The following PDGFC variants were observed in gnomAD, a reference collection of about 807,000 sequenced individuals.
PDGFC encodes the protein platelet-derived growth factor C.
Under a neutral mutation model 35.5 loss-of-function variants are expected in PDGFC, and 12 were observed. That is an observed-to-expected ratio of 0.34 (90% CI 0.22 to 0.55). The LOEUF is 0.55. Among genes scored for constraint, PDGFC ranks in the 20% least tolerant of loss-of-function variants. PDGFC has a pLI of 0.91. For missense variants in PDGFC, 322 were observed against 412.4 expected, an observed-to-expected ratio of 0.78 and a Z score of 1.90; for synonymous variants, 159 against 148.8, an observed-to-expected ratio of 1.07 and a Z score of -0.50.
At position 156,824,327 on chromosome 4, in the gene PDGFC, T is replaced by TACACATACAC. The variant is rs1553967645; in HGVS notation, c.315-13311_315-13310insGTGTATGTGT. ...ATATATATATATATATATATATATA[T>TACACATACAC]ACACACACACACACACACACACATA... On this transcript the variant is annotated intron_variant, in intron 2 of 5. Transcript: ENST00000502773. Among the ~76,000 whole-genome samples, 33 of 102,838 alleles carry TACACATACAC rather than the reference T, an allele frequency of 3.2e-4. 1 individual carries two copies. The highest frequency in any genetic ancestry group is 5.1e-3 in the Middle Eastern group (1 of 198). 67.5% of individuals were successfully genotyped at this position (102,838 alleles called of 152,430 possible).
At chr4:156,850,505 C>A in intron 1 of PDGFC, 89 bp from the exon 2 acceptor site, 1 of 632,050 alleles carries the variant, frequency 1.6e-6, no homozygotes, top group South Asian at 2.7e-5. Flanking sequence ...CACTTTACCT[C>A]AGACAAGTGC....
chr4:156,848,807 A>G (rs542738942), intron 2 of PDGFC, among the ~76,000 whole-genome samples: 1 of 152,128 alleles, frequency 6.6e-6, no homozygotes, highest in South Asian at 2.1e-4. Flanking sequence ...AGAAGGTGTA[A>G]TCAGGAAGGA....
intron 1 of PDGFC, among the ~76,000 whole-genome samples, chr4:156,928,419 A>G (rs1731468467): frequency 6.6e-6 from 1 of 152,156 alleles, no homozygotes; most frequent in South Asian, 2.1e-4. Context: ...TTGCACTTAG[A>G]TCTGTAACCG....
intron 2 of PDGFC, among the ~76,000 whole-genome samples, chr4:156,812,099 A>C (rs962651935): frequency 1.3e-5 from 2 of 152,038 alleles, no homozygotes; most frequent in African/African-American, 4.8e-5. Context: ...TCAACTATAG[A>C]GTAAATTGAG....
intron 1 of PDGFC, among the ~76,000 whole-genome samples, chr4:156,922,535 G>T (rs1169543932): frequency 6.6e-6 from 1 of 152,116 alleles, no homozygotes; most frequent in Admixed American, 6.5e-5. Context: ...ATGACAAAAT[G>T]GCACAGACCT....
intron 1 of PDGFC, among the ~76,000 whole-genome samples, chr4:156,890,020 C>T (rs1369653462): frequency 2.0e-5 from 3 of 152,112 alleles, no homozygotes; most frequent in African/African-American, 7.2e-5. Context: ...GTAAGCAGCT[C>T]CTCTGAGTTA....
intron 2 of PDGFC, among the ~76,000 whole-genome samples, chr4:156,825,543 C>T (rs1233477364): frequency 2.3e-5 from 3 of 130,752 alleles, no homozygotes; most frequent in African/African-American, 9.2e-5. Flanking sequence ...GAGCAACACC[C>T]TGTCTCCAAA....
intron 1 of PDGFC, among the ~76,000 whole-genome samples, chr4:156,908,657 T>A (rs1260996659): frequency 6.6e-6 from 1 of 152,184 alleles, no homozygotes; most frequent in Non-Finnish European, 1.5e-5. Flanking sequence ...CTCTTTCCCA[T>A]CCAGTAATTC....
rs565549597 is a variant in PDGFC at position 156,960,187 on chromosome 4, T to A, written c.118+10599A>T. On this transcript the variant is annotated intron_variant, in intron 1 of 5. Transcript: ENST00000502773. ...AGATTGCTGCTTTTGAAATAGACAG[T>A]TTTGACCATAGTGACTAACACAATG... Among the ~76,000 whole-genome samples the A allele has an allele frequency of 2.7e-5, 4 of 150,392 alleles. No homozygotes were observed. In the South Asian group the frequency reaches 8.4e-4, roughly 31 times the overall value.
chr4:156,870,600 T>G (rs1367970496), intron 1 of PDGFC, among the ~76,000 whole-genome samples: 1 of 152,074 alleles, frequency 6.6e-6, no homozygotes, highest in African/African-American at 2.4e-5. Flanking sequence ...ATAAATAAAT[T>G]AATATTACGA....
chr4:156,777,876 G>T (rs899621640), intron 3 of PDGFC, among the ~76,000 whole-genome samples: 1 of 152,152 alleles, frequency 6.6e-6, no homozygotes, highest in Non-Finnish European at 1.5e-5. Context: ...GCCAAGGCGG[G>T]TGGATCACTT....
intron 1 of PDGFC, chr4:156,876,830 T>C (rs2111159659): frequency 6.6e-6 from 1 of 152,290 alleles, no homozygotes; most frequent in African/African-American, 2.4e-5. Flanking sequence ...ATTTTTATTG[T>C]TGTTAATAAG....
chr4:156,904,792 C>T (rs1157684550), intron 1 of PDGFC, among the ~76,000 whole-genome samples: 2 of 151,770 alleles, frequency 1.3e-5, no homozygotes, highest in Non-Finnish European at 2.9e-5. Context: ...TTGTTTTTGG[C>T]ACTCATTACC....
At chr4:156,806,902 T>A (rs2110932224) in intron 3 of PDGFC, among the ~76,000 whole-genome samples, 1 of 152,148 alleles carries the variant, frequency 6.6e-6, no homozygotes, top group African/African-American at 2.4e-5. Flanking sequence ...AGATCTGAAA[T>A]GTGTTCTGGG....
intron 1 of PDGFC, among the ~76,000 whole-genome samples, chr4:156,908,650 T>C (rs1730972883): frequency 6.6e-6 from 1 of 152,206 alleles, no homozygotes; most frequent in Admixed American, 6.5e-5. Context: ...CAATGACCTC[T>C]TTCCCATCCA....
chr4:156,833,944 T>C (rs1729003687), intron 2 of PDGFC, among the ~76,000 whole-genome samples: 1 of 152,198 alleles, frequency 6.6e-6, no homozygotes, highest in Non-Finnish European at 1.5e-5. Flanking sequence ...AACTATTTGC[T>C]TGGGTTCTCT....
chr4:156,880,826 A>C (rs533967728), intron 1 of PDGFC, among the ~76,000 whole-genome samples: 1 of 151,760 alleles, frequency 6.6e-6, no homozygotes, highest in South Asian at 2.1e-4. Flanking sequence ...AAATTATAAT[A>C]AAACCTGAAT....
At chr4:156,778,299 T>C in intron 3 of PDGFC, 1 of 293,886 alleles carries the variant, frequency 3.4e-6, no homozygotes, top group Non-Finnish European at 7.4e-6. Context: ...CAAACAAGTA[T>C]CACACAAATC....
At chr4:156,952,697 A>T (rs992740990) in intron 1 of PDGFC, among the ~76,000 whole-genome samples, 2 of 151,928 alleles carry the variant, frequency 1.3e-5, no homozygotes, top group South Asian at 4.1e-4. Flanking sequence ...AATGGACTGC[A>T]AAAGCCAGTA....
Sources: allele counts gnomAD v4.1 joint callset (sites outside exome capture counted in the v4.1 genomes callset), GRCh38; gene constraint gnomAD v4.1.1; transcripts MANE v1.5; gene names NCBI Gene and HGNC (gene_info 2026-07-23, HGNC 2026-07-21).